GRIK3: variants seen among roughly 807,000 people sequenced by gnomAD.
The protein encoded by GRIK3 is glutamate receptor ionotropic, kainate 3.
Under a neutral mutation model 102.5 loss-of-function variants are expected in GRIK3, and 29 were observed. The observed-to-expected ratio is 0.28, with a 90% CI of 0.21 to 0.39. The LOEUF is 0.39. Among genes scored for constraint, GRIK3 ranks in the 10% least tolerant of loss-of-function variants. The pLI, the probability that GRIK3 is intolerant of heterozygous loss-of-function variation, is 1.00. For synonymous variants in GRIK3, 511 were observed against 504.9 expected (o/e 1.01, Z -0.16); for missense variants, 908 against 1,252.4 (o/e 0.73, Z 4.15).
At chr1:36,983,266 C>T (rs999699713) in intron 1 of GRIK3, among the ~76,000 whole-genome samples, 1 of 152,118 alleles carries the variant, frequency 6.6e-6, no homozygotes, top group African/African-American at 2.4e-5. Context: ...CATTGTAACA[C>T]GTATGAAAGC....
chr1:36,885,467 C>T (rs377194856), intron 2 of GRIK3, among the ~76,000 whole-genome samples: 1 of 152,114 alleles, frequency 6.6e-6, no homozygotes. Context: ...AATTGTGGTG[C>T]TGGTGTACTG....
intron 5 of GRIK3, among the ~76,000 whole-genome samples, chr1:36,863,447 C>T (rs2124244018): frequency 6.6e-6 from 1 of 152,246 alleles, no homozygotes; most frequent in Middle Eastern, 3.4e-3. Flanking sequence ...CAAAGCTCTC[C>T]ACCCCTCCAG....
chr1:36,911,181 C>G (rs1323752116), intron 1 of GRIK3, among the ~76,000 whole-genome samples: 2 of 151,456 alleles, frequency 1.3e-5, no homozygotes, highest in East Asian at 3.9e-4. Context: ...TAGGATTGGT[C>G]AATAATAAAC....
At chr1:36,907,764 G>T (rs1222380437) in intron 1 of GRIK3, among the ~76,000 whole-genome samples, 2 of 152,082 alleles carry the variant, frequency 1.3e-5, no homozygotes, top group African/African-American at 4.8e-5. Context: ...TGGCTGCAAA[G>T]GCTGAATATC....
chr1:36,796,839 AGGCCTGGGGAGT>A lies in GRIK3; in HGVS notation c.*5000_*5011del, dbSNP rs1043210398. The stretch of plus-strand genomic sequence containing the variant: ...TGATTCTGCAGGCAGGTGTGAGAAC[AGGCCTGGGGAGT>A]GGCCTGCTCTTTCCCAGCCCTTCTG... On this transcript the variant is annotated 3_prime_UTR_variant, in exon 16 of 16. Coordinates refer to ENST00000373091, the MANE Select transcript of GRIK3 (RefSeq NM_000831.4). 6.6e-6 allele frequency: 1 copy of A among 152,124 alleles called. No homozygotes were observed. Among genetic ancestry groups the A allele is most frequent in the African/African-American group, 2.4e-5 (1 of 41,408 alleles). The allele number at this position is 152,124 out of a possible 1,614,324, so 9.4% of individuals were successfully genotyped here.
chr1:36,914,167 G>C (rs1426151785), intron 1 of GRIK3, among the ~76,000 whole-genome samples: 1 of 152,196 alleles, frequency 6.6e-6, no homozygotes, highest in Non-Finnish European at 1.5e-5. Flanking sequence ...TCCCGCTTGG[G>C]AAGATGTGTC....
intron 1 of GRIK3, among the ~76,000 whole-genome samples, chr1:36,957,950 A>G (rs1293582990): frequency 9.3e-5 from 2 of 21,524 alleles, no homozygotes; most frequent in African/African-American, 5.6e-4. Flanking sequence ...TGTGTGTCCC[A>G]TGACTCTGTG....
At position 36,975,964 on chromosome 1, in the gene GRIK3, C is replaced by T. The variant is rs529100370; in HGVS notation, c.115+58030G>A. Among the ~76,000 whole-genome samples the T allele has an allele frequency of 2.6e-5, 4 of 152,322 alleles. No individual in the cohort carries two copies. The South Asian group carries it at 6.2e-4, about 24-fold the overall frequency. On this transcript the variant is annotated intron_variant, in intron 1 of 15. Transcript: ENST00000373091. ...AAATTCGAATGAGCAGGAAGGCCTC[C>T]TGAAAGAGGAGAGTCTCCAAAAGTG...
At position 36,922,384 on chromosome 1, in the gene GRIK3, A is replaced by T. The variant is rs182222300; in HGVS notation, c.116-31288T>A. On this transcript the variant is annotated intron_variant, in intron 1 of 15. Coordinates refer to ENST00000373091, the MANE Select transcript of GRIK3 (RefSeq NM_000831.4). ...TTAAGCAGCATCCCCAAGCTCCTGG[A>T]AGTTCTGCTGCTGCCTCAGCTGCTT... Among the ~76,000 whole-genome samples, 63 of 152,260 alleles carry T rather than the reference A, an allele frequency of 4.1e-4. No homozygotes were observed. The East Asian group carries it at 0.011, about 26-fold the overall frequency.
intron 1 of GRIK3, among the ~76,000 whole-genome samples, chr1:37,000,888 C>T (rs1642469599): frequency 6.6e-6 from 1 of 152,200 alleles, no homozygotes; most frequent in South Asian, 2.1e-4. Context: ...GGGAGTCTTT[C>T]ATCTCCAAGA....
At chr1:36,974,808 A>C (rs1259920465) in intron 1 of GRIK3, among the ~76,000 whole-genome samples, 2 of 151,866 alleles carry the variant, frequency 1.3e-5, no homozygotes, top group Non-Finnish European at 1.5e-5. Context: ...TCAAAAAAAA[A>C]AAAACAAAAA....
intron 1 of GRIK3, among the ~76,000 whole-genome samples, chr1:36,951,465 C>T (rs1166830327): frequency 6.6e-6 from 1 of 152,224 alleles, no homozygotes; most frequent in Admixed American, 6.5e-5. Context: ...GGGGTGGCCA[C>T]GTGACTGCTG....
chr1:37,011,085 G>A (rs1642591671), intron 1 of GRIK3, among the ~76,000 whole-genome samples: 1 of 152,140 alleles, frequency 6.6e-6, no homozygotes, highest in Admixed American at 6.5e-5. Flanking sequence ...TCTTCCATGT[G>A]CTTTCCAACT....
At chr1:36,902,652 A>G (rs1043261616) in intron 1 of GRIK3, among the ~76,000 whole-genome samples, 21 of 152,250 alleles carry the variant, frequency 1.4e-4, no homozygotes, top group African/African-American at 5.1e-4. Context: ...ATGGCTTTTT[A>G]GATATAATAC....
At chr1:36,966,161 G>A (rs1161727445) in intron 1 of GRIK3, among the ~76,000 whole-genome samples, 1 of 152,208 alleles carries the variant, frequency 6.6e-6, no homozygotes, top group East Asian at 1.9e-4. Flanking sequence ...CCAGCCATCT[G>A]TGCACTGATG....
intron 8 of GRIK3, 88 bp downstream of exon 8, chr1:36,853,527 G>C: frequency 1.2e-6 from 1 of 836,072 alleles, no homozygotes; most frequent in Non-Finnish European, 2.1e-6. Flanking sequence ...CTTGCCCCTT[G>C]CCTCTGGGCC....
chr1:36,926,307 G>C (rs892737037), intron 1 of GRIK3, among the ~76,000 whole-genome samples: 3 of 152,158 alleles, frequency 2.0e-5, no homozygotes, highest in African/African-American at 7.2e-5. Context: ...GAAGTCCAAG[G>C]CTTCAGGTGA....
chr1:36,994,401 C>T (rs1026552838), intron 1 of GRIK3, among the ~76,000 whole-genome samples: 1 of 152,166 alleles, frequency 6.6e-6, no homozygotes, highest in Non-Finnish European at 1.5e-5. Context: ...TACAAATGTC[C>T]AAGTTTCAAG....
At chr1:36,893,986 A>G (rs745898263) in intron 1 of GRIK3, among the ~76,000 whole-genome samples, 85 of 152,182 alleles carry the variant, frequency 5.6e-4, no homozygotes, top group Non-Finnish European at 1.0e-3. Context: ...ATTTTTTCCA[A>G]TTAAACCTTT....
Sources: allele counts gnomAD v4.1 joint callset (sites outside exome capture counted in the v4.1 genomes callset), GRCh38; gene constraint gnomAD v4.1.1; transcripts MANE v1.5; gene names NCBI Gene and HGNC (gene_info 2026-07-23, HGNC 2026-07-21).